RASEF: variants seen among roughly 807,000 people sequenced by gnomAD.
The protein encoded by RASEF is RAS and EF-hand domain containing, also known as ras and EF-hand domain-containing protein.
Under a neutral mutation model 90.1 loss-of-function variants are expected in RASEF, and 68 were observed. The ratio of observed to expected loss-of-function variants is 0.75; its 90% CI spans 0.62 to 0.92. RASEF has a LOEUF of 0.92. Ranked by LOEUF, RASEF falls within the 40% of genes least tolerant of loss-of-function variation. The pLI is 0.00. For missense variants in RASEF, 949 were observed against 937.2 expected, an observed-to-expected ratio of 1.01 and a Z score of -0.16; for synonymous variants, 331 against 345.2, an observed-to-expected ratio of 0.96 and a Z score of 0.46.
At chr9:83,047,302 G>A (rs1829952143) in intron 1 of RASEF, among the ~76,000 whole-genome samples, 3 of 152,144 alleles carry the variant, frequency 2.0e-5, no homozygotes, top group Non-Finnish European at 4.4e-5. Flanking sequence ...AAAAGAAAAA[G>A]AGGAAAAGTA....
intron 9 of RASEF, among the ~76,000 whole-genome samples, chr9:83,003,622 A>G (rs1829078385): frequency 6.6e-6 from 1 of 152,206 alleles, no homozygotes; most frequent in Non-Finnish European, 1.5e-5. Flanking sequence ...AGTAGAAACC[A>G]CTTAAACCTG....
At chr9:83,010,554 C>T (rs1296694912) in intron 5 of RASEF, among the ~76,000 whole-genome samples, 1 of 152,108 alleles carries the variant, frequency 6.6e-6, no homozygotes, top group African/African-American at 2.4e-5. Flanking sequence ...AAAGACAGAA[C>T]CAGATATGGG....
the RASEF span, among the ~76,000 whole-genome samples, chr9:83,151,161 A>C: frequency 2.0e-5 from 3 of 152,156 alleles, no homozygotes; most frequent in Non-Finnish European, 4.4e-5. Context: ...TTGCCAGCGC[A>C]TAATGATAAT....
chr9:83,105,227 T>C, the RASEF span, among the ~76,000 whole-genome samples: 4 of 152,292 alleles, frequency 2.6e-5, no homozygotes, highest in East Asian at 7.7e-4. Context: ...AGTGAAATGT[T>C]TGAAATATCT....
the RASEF span, among the ~76,000 whole-genome samples, chr9:83,164,934 G>T: frequency 1.3e-5 from 2 of 151,874 alleles, no homozygotes; most frequent in South Asian, 2.1e-4. Context: ...TGATAAAGGG[G>T]TCGATAACAG....
the RASEF span, among the ~76,000 whole-genome samples, chr9:83,097,872 C>T: frequency 1.3e-5 from 2 of 152,118 alleles, no homozygotes; most frequent in East Asian, 1.9e-4. Flanking sequence ...ATTTATAGTT[C>T]CCAGTTGAGA....
the RASEF span, among the ~76,000 whole-genome samples, chr9:83,132,461 A>G: frequency 1.3e-5 from 2 of 152,156 alleles, no homozygotes; most frequent in African/African-American, 4.8e-5. Flanking sequence ...ACCCAGGTGA[A>G]TCCTTCCCAG....
At chr9:83,024,707 C>T (rs62561898) in intron 2 of RASEF, among the ~76,000 whole-genome samples, 2,859 of 152,250 alleles carry the variant, frequency 0.019, 28 homozygotes, top group Middle Eastern at 0.041. Flanking sequence ...GACTCCAGGA[C>T]GATAAGAAAG....
chr9:83,026,341 A>G (rs1829548168), intron 1 of RASEF, among the ~76,000 whole-genome samples: 1 of 152,206 alleles, frequency 6.6e-6, no homozygotes, highest in African/African-American at 2.4e-5. Flanking sequence ...ACACTGCTAT[A>G]AAGAAATACC....
chr9:83,093,205 C>CTGGT, the RASEF span, among the ~76,000 whole-genome samples: 1 of 152,204 alleles, frequency 6.6e-6, no homozygotes, highest in South Asian at 2.1e-4. Flanking sequence ...TCTCCACCTC[C>CTGGT]CCACCAGACT....
At chr9:83,116,341 A>AAAT in the RASEF span, among the ~76,000 whole-genome samples, 4 of 152,112 alleles carry the variant, frequency 2.6e-5, no homozygotes, top group Non-Finnish European at 5.9e-5. Context: ...TTTTTCTACC[A>AAAT]AATAAGCTAT....
the RASEF span, among the ~76,000 whole-genome samples, chr9:83,159,388 T>C: frequency 5.3e-5 from 8 of 152,148 alleles, no homozygotes; most frequent in Admixed American, 3.9e-4. Context: ...TGAAATATTT[T>C]AGTCAAGTAT....
chr9:83,111,228 A>G, the RASEF span, among the ~76,000 whole-genome samples: 2 of 152,232 alleles, frequency 1.3e-5, no homozygotes, highest in Admixed American at 1.3e-4. Flanking sequence ...ATGCAATGAA[A>G]TACTTAATGA....
At chr9:83,179,455 T>C in the RASEF span, among the ~76,000 whole-genome samples, 76,719 of 151,950 alleles carry the variant, frequency 0.5, 19,773 homozygotes, top group Middle Eastern at 0.61. Flanking sequence ...TATTTATTTA[T>C]ATCAAGGAAT....
At chr9:83,210,571 C>T in the RASEF span, among the ~76,000 whole-genome samples, 6 of 152,200 alleles carry the variant, frequency 3.9e-5, no homozygotes, top group African/African-American at 1.2e-4. Context: ...CATATCTGAC[C>T]ATTCCAGCTC....
chr9:83,057,622 A>C (rs1458242794), intron 1 of RASEF, among the ~76,000 whole-genome samples: 1 of 152,138 alleles, frequency 6.6e-6, no homozygotes, highest in African/African-American at 2.4e-5. Flanking sequence ...TGCCAAGCAC[A>C]ATGATAGATC....
At chr9:83,112,877 A>AG in the RASEF span, among the ~76,000 whole-genome samples, 1 of 152,188 alleles carries the variant, frequency 6.6e-6, no homozygotes. Flanking sequence ...CAATGGAGAT[A>AG]CAAAGATGTA....
chr9:83,072,364 C>T, the RASEF span, among the ~76,000 whole-genome samples: 1 of 152,200 alleles, frequency 6.6e-6, no homozygotes, highest in Non-Finnish European at 1.5e-5. Flanking sequence ...CCTTTCCCCA[C>T]TTTGCCACTT....
chr9:83,026,998 T>C (rs765201340), intron 1 of RASEF, among the ~76,000 whole-genome samples: 14 of 152,124 alleles, frequency 9.2e-5, no homozygotes, highest in Non-Finnish European at 1.9e-4. Context: ...CACCTATAAA[T>C]CAGGGGTTCC....
Sources: allele counts gnomAD v4.1 joint callset (sites outside exome capture counted in the v4.1 genomes callset), GRCh38; gene constraint gnomAD v4.1.1; transcripts MANE v1.5; gene names NCBI Gene and HGNC (gene_info 2026-07-23, HGNC 2026-07-21).